The following ALMS1 variants were observed in gnomAD, a reference collection of about 807,000 sequenced individuals.
The protein encoded by ALMS1 is centrosome-associated protein ALMS1.
In ALMS1, 271 loss-of-function variants were observed where a neutral mutation model predicts 352.2. The ratio of observed to expected loss-of-function variants is 0.77; its 90% CI spans 0.70 to 0.85. The LOEUF (loss-of-function observed/expected upper bound fraction) is 0.85, where lower values mean the gene tolerates loss of function less well. ALMS1 is among the 40% of genes least tolerant of loss of function. ALMS1 has a pLI of 0.00. For missense variants in ALMS1, 5,445 were observed against 4,870.7 expected (o/e 1.12, Z -3.51); for synonymous variants, 1,865 against 1,761.2 (o/e 1.06, Z -1.48).
intron 7 of ALMS1, among the ~76,000 whole-genome samples, chr2:73,446,054 T>C (rs919653695): frequency 2.6e-5 from 4 of 152,180 alleles, no homozygotes; most frequent in African/African-American, 4.8e-5. Flanking sequence ...GTTTGACATA[T>C]ATGTCCTTAA....
At chr2:73,445,181 G>C (rs994860105) in intron 7 of ALMS1, among the ~76,000 whole-genome samples, 1 of 152,098 alleles carries the variant, frequency 6.6e-6, no homozygotes, top group Non-Finnish European at 1.5e-5. Context: ...CATACGATGT[G>C]TAATAATCAC....
intron 9 of ALMS1, among the ~76,000 whole-genome samples, chr2:73,483,626 C>T (rs1474418639): frequency 2.0e-5 from 3 of 151,520 alleles, no homozygotes; most frequent in African/African-American, 7.3e-5. Flanking sequence ...CCTGGGTATC[C>T]TTGTTGACTT....
chr2:73,414,564 A>G (rs1177637371), intron 2 of ALMS1, among the ~76,000 whole-genome samples: 1 of 138,714 alleles, frequency 7.2e-6, no homozygotes, highest in Non-Finnish European at 1.5e-5. Context: ...TCTGACCCCA[A>G]TTCTTTGAAA....
At chr2:73,511,608 A>C (rs1255535896) in intron 10 of ALMS1, among the ~76,000 whole-genome samples, 1 of 152,080 alleles carries the variant, frequency 6.6e-6, no homozygotes, top group Non-Finnish European at 1.5e-5. Flanking sequence ...GAGCTGTTCT[A>C]TTTGGCCATC....
At chr2:73,441,004 A>T (rs1671708792) in intron 7 of ALMS1, among the ~76,000 whole-genome samples, 2 of 152,104 alleles carry the variant, frequency 1.3e-5, no homozygotes, top group South Asian at 4.1e-4. Context: ...GGTGATGCTT[A>T]TGTGGGTGGA....
In ALMS1 at chr2:73,585,797, C is replaced by T. The variant is rs545113889; in HGVS notation, c.11547+12373C>T. Reference sequence around the variant, plus strand: ...TGGCTGGAGTACAATGGCACAATCTCCACTCACTGCAACCACTGCATCCCG... The same window carrying T: ...TGGCTGGAGTACAATGGCACAATCTTCACTCACTGCAACCACTGCATCCCG... On this transcript the variant is annotated intron_variant, in intron 16 of 22. Coordinates refer to ENST00000613296, the MANE Select transcript of ALMS1 (RefSeq NM_001378454.1). 1.2e-3 allele frequency among the ~76,000 whole-genome samples: 170 copies of T among 146,568 alleles called. 1 individual carries two copies. Among genetic ancestry groups the T allele is most frequent in the African/African-American group, 3.7e-3 (143 of 39,106 alleles).
At chr2:73,594,766 G>A (rs916146764) in intron 16 of ALMS1, among the ~76,000 whole-genome samples, 1 of 152,138 alleles carries the variant, frequency 6.6e-6, no homozygotes, top group Non-Finnish European at 1.5e-5. Flanking sequence ...TCTGCCTCTC[G>A]GACCCCCACC....
chr2:73,557,165 T>C, intron 13 of ALMS1, 55 bp from the exon 14 acceptor site: 1 of 1,610,956 alleles, frequency 6.2e-7, no homozygotes. Context: ...GGATTACTTG[T>C]CTGTTGTGTT....
intron 11 of ALMS1, 97 bp downstream of exon 11, chr2:73,520,113 A>G: frequency 6.6e-7 from 1 of 1,505,780 alleles, no homozygotes; most frequent in South Asian, 1.2e-5. Flanking sequence ...AGAAAACCTA[A>G]TTTTAATTTA....
intron 16 of ALMS1, among the ~76,000 whole-genome samples, chr2:73,590,018 A>G (rs1476876306): frequency 6.6e-6 from 1 of 151,566 alleles, no homozygotes; most frequent in Non-Finnish European, 1.5e-5. Context: ...TAGTAAAACA[A>G]GTTTCTATAC....
intron 9 of ALMS1, among the ~76,000 whole-genome samples, chr2:73,481,281 A>G: frequency 6.6e-6 from 1 of 152,212 alleles, no homozygotes; most frequent in Non-Finnish European, 1.5e-5. Flanking sequence ...ATCCAGTTTC[A>G]GCTTTCTACA....
chr2:73,571,166 C>G (rs1047341799), intron 15 of ALMS1, among the ~76,000 whole-genome samples: 4 of 152,172 alleles, frequency 2.6e-5, no homozygotes, highest in Admixed American at 6.5e-5. Flanking sequence ...CCACTCTACT[C>G]TGGGGAAGTC....
In ALMS1 at chr2:73,453,659, C is replaced by A; in HGVS notation, c.7132C>A (p.Leu2378Ile). 6.2e-7 allele frequency: 1 copy of A among 1,614,030 alleles called. No individual in the cohort carries two copies. Among genetic ancestry groups the A allele is most frequent in the African/African-American group, 1.3e-5 (1 of 75,024 alleles). The change falls in exon 8 of 23, where the codon CTT (leucine) becomes ATT (isoleucine). Residue 2378 changes from leucine (L) to isoleucine (I), a missense_variant. Physicochemically the swap from Leu to Ile is conservative, Grantham distance 5 (BLOSUM62 2). Transcript: ENST00000613296. ...AGTCAGTATGGCATTAGAAGAAACT[C>A]TTAGGCAATATCAAGCAGCCAAATC... ...SKVSMALEET[L>I]RQYQAAKSVM...
At chr2:73,560,511 T>C (rs1674634952) in intron 15 of ALMS1, among the ~76,000 whole-genome samples, 1 of 152,152 alleles carries the variant, frequency 6.6e-6, no homozygotes, top group Non-Finnish European at 1.5e-5. Flanking sequence ...AAAAAAGAAT[T>C]AGTATATGAT....
chr2:73,452,323 G>C lies in ALMS1; in HGVS notation c.5796G>C (p.Glu1932Asp). ...CTGGACAAGGTGACCGGAAGACTGA[G>C]ATACCAACAGTACCTTTAAGTTACT... ...VVPGQGDRKT[E>D]IPTVPLSYYS... The change falls in exon 8 of 23, where the codon GAG becomes GAC. Residue 1932 changes from glutamate to aspartate, a missense_variant. Coordinates refer to ENST00000613296, the MANE Select transcript of ALMS1 (RefSeq NM_001378454.1). The C allele has an allele frequency of 6.2e-7, 1 of 1,614,060 alleles. No individual in the cohort carries two copies. Among genetic ancestry groups the C allele is most frequent in the Non-Finnish European group, 8.5e-7 (1 of 1,179,992 alleles).
At chr2:73,556,154 A>T (rs567757966) in intron 13 of ALMS1, among the ~76,000 whole-genome samples, 1 of 152,302 alleles carries the variant, frequency 6.6e-6, no homozygotes, top group East Asian at 1.9e-4. Flanking sequence ...TTTGTTGCCT[A>T]TATTTTTGGT....
intron 15 of ALMS1, among the ~76,000 whole-genome samples, chr2:73,561,993 T>A (rs1674673136): frequency 6.6e-6 from 1 of 150,434 alleles, no homozygotes. Context: ...GAAAAAAAAG[T>A]ACCAATTAGA....
Position 73,422,970 on chromosome 2 carries a change from C to G in ALMS1, c.760C>G (p.Leu254Val), listed in dbSNP as rs774576999. 2.5e-6 allele frequency: 4 copies of G among 1,603,028 alleles called. No individual in the cohort carries two copies. In the South Asian group the frequency reaches 3.3e-5, roughly 13 times the overall value. ...FHQSELSFAP[L>V]RGIPDKSEDT... ...TCAAAGTGAACTAAGTTTTGCACCT[C>G]TGAGGTAGGATGATTTATTTGCATG... Residue 254 changes from leucine (L) to valine (V), a missense_variant, in exon 4 of 23, where the codon CTG (leucine) becomes GTG (valine). By Grantham distance (32) the Leu-to-Val change is conservative. Transcript: ENST00000613296.
rs577927710 is a variant in ALMS1, at chr2:73,550,301, T to C, written c.9942T>C (p.Ala3314=). 6.2e-7 allele frequency: 1 copy of C among 1,614,116 alleles called. No homozygotes were observed. The highest frequency in any genetic ancestry group is 1.3e-5 in the African/African-American group (1 of 75,046). The change falls in exon 13 of 23, where the codon GCT becomes GCC. Residue 3314 remains alanine, a synonymous_variant. Transcript: ENST00000613296. The stretch of plus-strand genomic sequence containing the variant: ...ATGCCATTGCTCCAGACTTCCCAGC[T>C]CAGGTGCTAGGCACAAGAGATGATG... ...SNDAIAPDFP[A]QVLGTRDDDL...
Sources: allele counts gnomAD v4.1 joint callset (sites outside exome capture counted in the v4.1 genomes callset), GRCh38; gene constraint gnomAD v4.1.1; transcripts MANE v1.5; gene names NCBI Gene and HGNC (gene_info 2026-07-23, HGNC 2026-07-21).